The following CDS2 variants were observed in gnomAD, a reference collection of about 807,000 sequenced individuals.
The protein encoded by CDS2 is phosphatidate cytidylyltransferase 2.
CDS2 carries 47 observed loss-of-function variants against 59.0 expected under a neutral mutation model. That is an observed-to-expected ratio of 0.80 (90% CI 0.63 to 1.02). CDS2 has a LOEUF of 1.02. CDS2 is among the 50% of genes least tolerant of loss of function. The pLI, the probability that CDS2 is intolerant of heterozygous loss-of-function variation, is 0.00. For missense variants in CDS2, 356 were observed against 558.9 expected (o/e 0.64, Z 3.66); for synonymous variants, 207 against 206.4 (o/e 1.00, Z -0.02).
chr20:5,188,364 C>T (rs1384025298), intron 10 of CDS2, among the ~76,000 whole-genome samples: 1 of 152,162 alleles, frequency 6.6e-6, no homozygotes, highest in African/African-American at 2.4e-5. Context: ...AGAGAATACC[C>T]AAAACCATCT....
chr20:5,139,837 T>C (rs192109863), intron 1 of CDS2, among the ~76,000 whole-genome samples: 1,951 of 151,508 alleles, frequency 0.013, 51 homozygotes, highest in African/African-American at 0.043. Context: ...CTCACTCTAT[T>C]GCCCAGGCTG....
chr20:5,158,738 C>T (rs1229908099), intron 1 of CDS2, among the ~76,000 whole-genome samples: 7 of 152,112 alleles, frequency 4.6e-5, no homozygotes, highest in Non-Finnish European at 8.8e-5. Context: ...GAGCAGCTAG[C>T]GGTTTGGGGA....
intron 1 of CDS2, among the ~76,000 whole-genome samples, chr20:5,162,455 C>T (rs2090882448): frequency 6.6e-6 from 1 of 152,154 alleles, no homozygotes; most frequent in African/African-American, 2.4e-5. Flanking sequence ...GACTCGCATG[C>T]TGTCAACTGA....
chr20:5,135,932 C>T (rs575889998), intron 1 of CDS2, among the ~76,000 whole-genome samples: 51 of 152,262 alleles, frequency 3.3e-4, no homozygotes, highest in African/African-American at 1.2e-3. Context: ...CCTGTCCTAC[C>T]AAAGTCAGAC....
At position 5,197,702 on chromosome 20, in the gene CDS2, C is replaced by T. The variant is rs1332195568; in HGVS notation, c.*7468C>T. 6.6e-6 allele frequency: 1 copy of T among 152,192 alleles called. No homozygotes were observed. Among genetic ancestry groups the T allele is most frequent in the Non-Finnish European group, 1.5e-5 (1 of 68,042 alleles). 9.4% of individuals were successfully genotyped at this position (152,192 alleles called of 1,614,324 possible). A position where few individuals can be genotyped will look rare whatever the true frequency, so the allele number is the denominator to read the frequency against. On this transcript the variant is annotated 3_prime_UTR_variant, in exon 13 of 13. Transcript: ENST00000460006. ...GTGCGCTACTGCTGTGCCATTTTCC[C>T]AACTTGGCGTTTCACTAAATGCAGC...
intron 1 of CDS2, among the ~76,000 whole-genome samples, chr20:5,132,845 G>A (rs2090618440): frequency 6.6e-6 from 1 of 151,964 alleles, no homozygotes; most frequent in Admixed American, 6.6e-5. Flanking sequence ...AAAATGTTTT[G>A]TGTTTGCCCA....
At chr20:5,181,900 T>C (rs915920396) in intron 5 of CDS2, among the ~76,000 whole-genome samples, 2 of 152,188 alleles carry the variant, frequency 1.3e-5, no homozygotes, top group African/African-American at 4.8e-5. Context: ...AATCTATGGG[T>C]ATTATAACCT....
chr20:5,183,889 T>G (rs745883907), intron 7 of CDS2, among the ~76,000 whole-genome samples: 178 of 152,336 alleles, frequency 1.2e-3, no homozygotes, highest in Non-Finnish European at 3.8e-4. Flanking sequence ...GCGGGCGCGG[T>G]GGCTCACGCC....
rs60174280 is a variant in CDS2 at position 5,174,720 on chromosome 20, CAAA to C, written c.195-449_195-447del. Among the ~76,000 whole-genome samples, 22 of 117,118 alleles carry C rather than the reference CAAA, an allele frequency of 1.9e-4. No homozygotes were observed. The East Asian group carries it at 3.2e-3, about 17-fold the overall frequency. The allele number at this position is 117,118 out of a possible 152,430, so 76.8% of individuals were successfully genotyped here. ...CTGGGCTACAGAGGAAACTCTGTCTCAAAAAAAAAAAAAAAATTATGCATATTT... is the reference window on the plus strand; with the variant it reads ...CTGGGCTACAGAGGAAACTCTGTCTCAAAAAAAAAAAAATTATGCATATTT... On this transcript the variant is annotated intron_variant, in intron 2 of 12. Transcript: ENST00000460006.
chr20:5,160,107 C>T (rs1017938672), intron 1 of CDS2, among the ~76,000 whole-genome samples: 18 of 152,152 alleles, frequency 1.2e-4, no homozygotes, highest in African/African-American at 3.9e-4. Flanking sequence ...TTTGATGCTG[C>T]GAGAATCACA....
rs1349593505 is a variant in CDS2, at chr20:5,195,937, T to G, written c.*5703T>G. ...ATGAAAAGAGTTTCTTGAACTTAGT[T>G]TTCTGAATGGGGGTGGGGAGTTGGG... On this transcript the variant is annotated 3_prime_UTR_variant, in exon 13 of 13. Transcript: ENST00000460006. 1 of 151,968 alleles carries G rather than the reference T, an allele frequency of 6.6e-6. No individual in the cohort carries two copies. The highest frequency in any genetic ancestry group is 2.4e-5 in the African/African-American group (1 of 41,334). 9.4% of individuals were successfully genotyped at this position (151,968 alleles called of 1,614,324 possible).
intron 5 of CDS2, among the ~76,000 whole-genome samples, chr20:5,181,153 C>T (rs1394852913): frequency 9.9e-5 from 15 of 152,184 alleles, no homozygotes; most frequent in South Asian, 2.1e-4. Flanking sequence ...GATACGGGGT[C>T]GGTAGCTGAT....
intron 1 of CDS2, among the ~76,000 whole-genome samples, chr20:5,166,763 C>T (rs777430894): frequency 6.6e-6 from 1 of 152,222 alleles, no homozygotes; most frequent in Admixed American, 6.5e-5. Context: ...TGCTGGGTTT[C>T]GTGACAAAGT....
chr20:5,156,905 C>T (rs115157976), intron 1 of CDS2, among the ~76,000 whole-genome samples: 3 of 152,254 alleles, frequency 2.0e-5, no homozygotes, highest in Non-Finnish European at 2.9e-5. Flanking sequence ...ATTGCTGTTA[C>T]GTGTTCTTGT....
Position 5,192,521 on chromosome 20 carries a change from A to G in CDS2, c.*2287A>G, listed in dbSNP as rs1437804929. 6.6e-6 allele frequency: 1 copy of G among 152,312 alleles called. No individual in the cohort carries two copies. Among genetic ancestry groups the G allele is most frequent in the Non-Finnish European group, 1.5e-5 (1 of 68,144 alleles). The allele number at this position is 152,312 out of a possible 1,614,324, so 9.4% of individuals were successfully genotyped here. ...GAGCACTGCCACCTTGTGTCCATATAGCACAATGTTTCTCTTTCCTATTCA... is the reference window on the plus strand; with the variant it reads ...GAGCACTGCCACCTTGTGTCCATATGGCACAATGTTTCTCTTTCCTATTCA... On this transcript the variant is annotated 3_prime_UTR_variant, in exon 13 of 13. Transcript: ENST00000460006.
chr20:5,174,586 G>A (rs1260811001), intron 2 of CDS2, among the ~76,000 whole-genome samples: 2 of 152,076 alleles, frequency 1.3e-5, no homozygotes, highest in Admixed American at 1.3e-4. Flanking sequence ...TTAGCTGGGT[G>A]TGGTGGCAGG....
Position 5,196,380 on chromosome 20 carries a change from T to A in CDS2, c.*6146T>A, listed in dbSNP as rs1158023717. 1 of 152,226 alleles carries A rather than the reference T, an allele frequency of 6.6e-6. No homozygotes were observed. Among genetic ancestry groups the A allele is most frequent in the African/African-American group, 2.4e-5 (1 of 41,406 alleles). 9.4% of individuals were successfully genotyped at this position (152,226 alleles called of 1,614,324 possible). A position where few individuals can be genotyped will look rare whatever the true frequency, so the allele number is the denominator to read the frequency against. On this transcript the variant is annotated 3_prime_UTR_variant, in exon 13 of 13. Transcript: ENST00000460006. ...TCCACTGCTGGGCCGGGGAGGGGGT[T>A]GTGGTAAGGGCCCTCTGGAAATCAA...
chr20:5,158,263 G>T (rs1433518562), intron 1 of CDS2, among the ~76,000 whole-genome samples: 1 of 150,142 alleles, frequency 6.7e-6, no homozygotes, highest in Non-Finnish European at 1.5e-5. Flanking sequence ...TCTGCCTCTC[G>T]AGATCAAGTG....
At chr20:5,170,824 TAAAG>T (rs1200736537) in intron 1 of CDS2, among the ~76,000 whole-genome samples, 3 of 152,014 alleles carry the variant, frequency 2.0e-5, no homozygotes, top group African/African-American at 7.3e-5. Context: ...GCAAGGCTAA[TAAAG>T]AAGAAAAGAG....
Sources: allele counts gnomAD v4.1 joint callset (sites outside exome capture counted in the v4.1 genomes callset), GRCh38; gene constraint gnomAD v4.1.1; transcripts MANE v1.5; gene names NCBI Gene and HGNC (gene_info 2026-07-23, HGNC 2026-07-21).